The following ARG2 variants were observed in gnomAD, a reference collection of about 807,000 sequenced individuals.
The protein encoded by ARG2 is arginase 2.
A neutral mutation model predicts 39.4 loss-of-function variants in ARG2; 21 were observed. The ratio of observed to expected loss-of-function variants is 0.53; its 90% CI spans 0.38 to 0.77. ARG2 has a LOEUF of 0.77. Ranked by LOEUF, ARG2 falls within the 30% of genes least tolerant of loss-of-function variation. The probability of loss-of-function intolerance (pLI) is 0.00; values close to 1 mark genes in which losing one functional copy is unlikely to be tolerated. For synonymous variants in ARG2, 150 were observed against 156.7 expected (o/e 0.96, Z 0.32); for missense variants, 378 against 426.2 (o/e 0.89, Z 1.00).
At chr14:67,642,125 G>C (rs1443376756) in intron 2 of ARG2, 61 bp from the exon 3 acceptor site, 29 of 1,507,936 alleles carry the variant, frequency 1.9e-5, no homozygotes, top group Non-Finnish European at 2.4e-5. Context: ...TGTGGCCCAG[G>C]CTAGTTAAGA....
intron 2 of ARG2, among the ~76,000 whole-genome samples, chr14:67,621,805 T>C (rs1221575300): frequency 7.3e-5 from 11 of 151,680 alleles, no homozygotes; most frequent in Non-Finnish European, 5.9e-5. Flanking sequence ...CAAATTTGAA[T>C]ACCTTTATAA....
At chr14:67,647,992 A>G (rs971294664) in intron 6 of ARG2, 55 bp from the exon 7 acceptor site, 2 of 1,505,094 alleles carry the variant, frequency 1.3e-6, no homozygotes, top group Admixed American at 2.0e-5. Context: ...ATGAGTGTCC[A>G]AGGACAACCA....
rs3070464 is a variant in ARG2, at chr14:67,627,256, GATATATATAT to G, written c.184+6307_184+6316del. ...ACTAGGCAATTGTGATCAGTAAGGAGATATATATATATATATATATATATATCTGAAACTT... is the reference window on the plus strand; with the variant it reads ...ACTAGGCAATTGTGATCAGTAAGGAGATATATATATATATATCTGAAACTT... On this transcript the variant is annotated intron_variant, in intron 2 of 7. Coordinates refer to ENST00000261783, the MANE Select transcript of ARG2 (RefSeq NM_001172.4). Among the ~76,000 whole-genome samples the G allele has an allele frequency of 7.5e-5, 10 of 133,746 alleles. No homozygotes were observed. In the East Asian group the frequency reaches 8.6e-4, roughly 12 times the overall value. 87.7% of individuals were successfully genotyped at this position (133,746 alleles called of 152,430 possible).
chr14:67,639,340 A>G (rs769107632), intron 2 of ARG2, among the ~76,000 whole-genome samples: 12 of 152,116 alleles, frequency 7.9e-5, no homozygotes, highest in East Asian at 1.9e-4. Context: ...TCTTGGTCCT[A>G]TGAGGATTGA....
chr14:67,622,078 A>C (rs1049105735), intron 2 of ARG2, among the ~76,000 whole-genome samples: 2 of 152,170 alleles, frequency 1.3e-5, no homozygotes, highest in Non-Finnish European at 2.9e-5. Context: ...TGACAGAATG[A>C]GACTCCATCT....
At chr14:67,630,257 T>A (rs1035877441) in intron 2 of ARG2, among the ~76,000 whole-genome samples, 6 of 152,232 alleles carry the variant, frequency 3.9e-5, no homozygotes, top group Admixed American at 6.5e-5. Context: ...GGTTCAAAAT[T>A]AACAGTGGAA....
At chr14:67,627,193 A>C (rs1370165969) in intron 2 of ARG2, among the ~76,000 whole-genome samples, 1 of 150,702 alleles carries the variant, frequency 6.6e-6, no homozygotes, top group African/African-American at 2.4e-5. Flanking sequence ...AAAAGGATGA[A>C]TTTTATGGTA....
In ARG2 at chr14:67,651,396, G is replaced by C; in HGVS notation, c.*476G>C. 6.2e-7 allele frequency: 1 copy of C among 1,613,862 alleles called. No individual in the cohort carries two copies. The highest frequency in any genetic ancestry group is 8.5e-7 in the Non-Finnish European group (1 of 1,179,802). ...TTCCCTATAGAAGTTCAATGGCTGC[G>C]AAAGAATTTGTAGTAAACCAGGCCT... On this transcript the variant is annotated 3_prime_UTR_variant, in exon 8 of 8. Transcript: ENST00000261783.
At position 67,620,972 on chromosome 14, in the gene ARG2, T is replaced by A; in HGVS notation, c.184+6T>A. The A allele has an allele frequency of 6.2e-7, 1 of 1,613,768 alleles. No homozygotes were observed. The highest frequency in any genetic ancestry group is 1.7e-5 in the Admixed American group (1 of 59,998). ...GAAAAGGCTCTCCAGTTTGGGTAAG[T>A]GGTTAGATTTTTAGATATTAGTGCA... is the stretch of plus-strand genomic sequence containing the variant. On this transcript the variant is annotated splice_donor_region_variant and intron_variant, in intron 2 of 7. Coordinates refer to ENST00000261783, the MANE Select transcript of ARG2 (RefSeq NM_001172.4).
intron 3 of ARG2, among the ~76,000 whole-genome samples, chr14:67,643,320 A>G (rs541085390): frequency 1.3e-5 from 2 of 152,380 alleles, no homozygotes; most frequent in East Asian, 1.9e-4. Context: ...CAGAATTTCA[A>G]AGGAGGAAGA....
intron 7 of ARG2, chr14:67,650,101 A>G (rs1433688163): frequency 6.5e-6 from 1 of 153,620 alleles, no homozygotes; most frequent in Non-Finnish European, 1.4e-5. Flanking sequence ...CAAGTACAAG[A>G]CACTGGGTCA....
intron 7 of ARG2, chr14:67,650,366 G>A (rs2037156661): frequency 3.3e-6 from 1 of 301,760 alleles, no homozygotes; most frequent in Non-Finnish European, 6.3e-6. Context: ...TCATACTGGA[G>A]GTGGCATACA....
chr14:67,642,397 A>T (rs777109287), intron 3 of ARG2, 34 bp downstream of exon 3: 20 of 1,608,894 alleles, frequency 1.2e-5, no homozygotes, highest in Non-Finnish European at 1.7e-6. Flanking sequence ...GAGGGGATGG[A>T]TTACATGGTG....
At chr14:67,641,050 A>C (rs1205529397) in intron 2 of ARG2, among the ~76,000 whole-genome samples, 1 of 152,248 alleles carries the variant, frequency 6.6e-6, no homozygotes, top group East Asian at 1.9e-4. Flanking sequence ...ACTGCCTATC[A>C]GTAGCATATA....
chr14:67,620,575 G>A (rs1475114888), intron 1 of ARG2, among the ~76,000 whole-genome samples: 1 of 152,176 alleles, frequency 6.6e-6, no homozygotes, highest in Non-Finnish European at 1.5e-5. Flanking sequence ...GGGAGGTGGG[G>A]AGGAGCTGTT....
At chr14:67,641,825 A>G (rs766430435) in intron 2 of ARG2, among the ~76,000 whole-genome samples, 3 of 152,190 alleles carry the variant, frequency 2.0e-5, no homozygotes, top group Admixed American at 1.3e-4. Context: ...TTTTTTTGCT[A>G]AATTAATAGT....
In ARG2 at chr14:67,646,962, G is replaced by C. The variant is rs1346060699; in HGVS notation, c.659G>C (p.Arg220Thr). ...KNYDIQYFSM[R>T]DIDRLGIQKV... ...TATGATATCCAGTATTTTTCCATGAGAGATATTGATCGACTTGGTATCCAG... is the reference window on the plus strand; with the variant it reads ...TATGATATCCAGTATTTTTCCATGACAGATATTGATCGACTTGGTATCCAG... Residue 220 changes from arginine (R) to threonine (T), a missense_variant, in exon 6 of 8, where the codon AGA (arginine) becomes ACA (threonine). By Grantham distance (71) the Arg-to-Thr change is moderately conservative. Transcript: ENST00000261783. The C allele has an allele frequency of 6.2e-7, 1 of 1,612,200 alleles. No homozygotes were observed. Among genetic ancestry groups the C allele is most frequent in the South Asian group, 1.1e-5 (1 of 91,022 alleles).
At chr14:67,647,073 A>T (rs1335857357) in intron 6 of ARG2, 48 bp downstream of exon 6, 1 of 1,156,052 alleles carries the variant, frequency 8.7e-7, no homozygotes, top group Admixed American at 1.8e-5. Flanking sequence ...TGGGCAACAC[A>T]CTTTTAGCCT....
At chr14:67,639,815 C>G (rs2037010855) in intron 2 of ARG2, among the ~76,000 whole-genome samples, 2 of 150,274 alleles carry the variant, frequency 1.3e-5, no homozygotes, top group Admixed American at 6.7e-5. Context: ...ATCCCAGCTA[C>G]TTGGGAGGCT....
Sources: allele counts gnomAD v4.1 joint callset (sites outside exome capture counted in the v4.1 genomes callset), GRCh38; gene constraint gnomAD v4.1.1; transcripts MANE v1.5; gene names NCBI Gene and HGNC (gene_info 2026-07-23, HGNC 2026-07-21).